Variants in HEATR4 observed in about 807,000 individuals in gnomAD.
The protein encoded by HEATR4 is HEAT repeat containing 4.
A neutral mutation model predicts 108.8 loss-of-function variants in HEATR4; 95 were observed. That is an observed-to-expected ratio of 0.87 (90% CI 0.74 to 1.04). The LOEUF is 1.04. Ranked by LOEUF, HEATR4 falls within the 50% of genes least tolerant of loss-of-function variation. The pLI is 0.00. For missense variants in HEATR4, 1,152 were observed against 1,253.8 expected, an observed-to-expected ratio of 0.92 and a Z score of 1.23; for synonymous variants, 443 against 459.4, an observed-to-expected ratio of 0.96 and a Z score of 0.46.
chr14:73,565,425 G>T, the HEATR4 span, among the ~76,000 whole-genome samples: 3 of 143,348 alleles, frequency 2.1e-5, no homozygotes, highest in South Asian at 6.5e-4. Flanking sequence ...TTGCTCAGTC[G>T]CCCAGGCTGG....
At chr14:73,569,672 G>C in the HEATR4 span, 2 of 1,608,528 alleles carry the variant, frequency 1.2e-6, no homozygotes, top group Admixed American at 3.3e-5. Flanking sequence ...GGCTGCTCTG[G>C]GCCTTGGAGC....
the HEATR4 span, among the ~76,000 whole-genome samples, chr14:73,584,293 C>T: frequency 2.0e-5 from 3 of 151,366 alleles, no homozygotes; most frequent in Non-Finnish European, 4.4e-5. Context: ...GTCCTAAAGA[C>T]TTTTTAAATA....
the HEATR4 span, among the ~76,000 whole-genome samples, chr14:73,601,927 C>CT: frequency 0.62 from 91,624 of 147,294 alleles, 28,910 homozygotes; most frequent in East Asian, 0.88. Context: ...CATAATTATG[C>CT]TTTTTTTTTT....
rs141407968 is a variant in HEATR4, at chr14:73,496,661, C to T, written c.2565G>A (p.Met855Ile). ...DAVLKEMYQT[M>I]KILNLGNEGN... is the part of the protein sequence containing the mutation. ...CTTCATTTCCTAAGTTGAGTATCTT[C>T]ATTGTCTGGTACATTTCTCTGAAAG... is the stretch of plus-strand genomic sequence containing the variant. Residue 855 changes from methionine (M) to isoleucine (I), a missense_variant, in exon 15 of 18, where the codon ATG (methionine) becomes ATA (isoleucine). Physicochemically the swap from Met to Ile is conservative, Grantham distance 10. Transcript: ENST00000553558. The T allele has an allele frequency of 2.5e-6, 4 of 1,585,528 alleles. No homozygotes were observed. The highest frequency in any genetic ancestry group is 3.5e-6 in the Non-Finnish European group (4 of 1,154,244).
chr14:73,486,011 G>A (rs1340396680), intron 17 of HEATR4, among the ~76,000 whole-genome samples: 2 of 152,094 alleles, frequency 1.3e-5, no homozygotes, highest in African/African-American at 2.4e-5. Context: ...ACTGCACCTG[G>A]CCAGTGAATA....
rs751642682 is a variant in HEATR4 at position 73,508,277 on chromosome 14, A to T, written c.1738T>A (p.Trp580Arg). The stretch of plus-strand genomic sequence containing the variant: ...AGAGCCAAGCACTGAGCTGCAGCCC[A>T]GCTATCCACACTGTTACCTGCCACA... ...ALLKGNSVDSWAAAQCLALEG... is the reference protein window; with the variant it reads ...ALLKGNSVDSRAAAQCLALEG... Residue 580 changes from tryptophan (W) to arginine (R), a missense_variant, in exon 9 of 18, where the codon TGG becomes AGG. Trp to Arg is a moderately radical substitution (Grantham distance 101, BLOSUM62 -3). Coordinates refer to ENST00000553558, the MANE Select transcript of HEATR4 (RefSeq NM_001220484.1). 1 of 1,613,992 alleles carries T rather than the reference A, an allele frequency of 6.2e-7. No individual in the cohort carries two copies. Among genetic ancestry groups the T allele is most frequent in the Non-Finnish European group, 8.5e-7 (1 of 1,180,022 alleles).
the HEATR4 span, among the ~76,000 whole-genome samples, chr14:73,630,940 C>G: frequency 3.9e-5 from 6 of 152,044 alleles, no homozygotes; most frequent in Non-Finnish European, 7.4e-5. Context: ...GCGAAAGGAC[C>G]AAAGACAGGA....
chr14:73,550,457 T>C (rs1224294616), intron 1 of HEATR4, among the ~76,000 whole-genome samples: 2 of 113,486 alleles, frequency 1.8e-5, no homozygotes, highest in African/African-American at 5.8e-5. Context: ...AGATGTAATA[T>C]GCTAATGAGA....
chr14:73,577,016 AAC>A, the HEATR4 span, among the ~76,000 whole-genome samples: 1 of 147,998 alleles, frequency 6.8e-6, no homozygotes, highest in Admixed American at 6.8e-5. Context: ...CTGCAGCCTC[AAC>A]CTCGTAGGTT....
chr14:73,626,659 C>A, the HEATR4 span, among the ~76,000 whole-genome samples: 11 of 145,246 alleles, frequency 7.6e-5, no homozygotes, highest in African/African-American at 2.7e-4. Context: ...GAGACCCTGT[C>A]TTAAAAAAAA....
rs745944722 is a variant in HEATR4, at chr14:73,508,215, G to GATC, written c.1797_1799dup (p.Arg599_Ile600insMet). 8.7e-6 allele frequency: 14 copies of GATC among 1,613,742 alleles called. No individual in the cohort carries two copies. The highest frequency in any genetic ancestry group is 1.0e-5 in the Non-Finnish European group (12 of 1,179,756). On this transcript the variant is annotated inframe_insertion, in exon 9 of 18. Coordinates refer to ENST00000553558, the MANE Select transcript of HEATR4 (RefSeq NM_001220484.1). ...TCTTCTTTGTAAACAGCTGGTGGAG[G>GATC]ATCCTCTTAATCACAGGGTAAGTAG...
At chr14:73,573,513 G>T in the HEATR4 span, 4 of 1,613,584 alleles carry the variant, frequency 2.5e-6, no homozygotes, top group South Asian at 4.4e-5. Context: ...TAACTATGAA[G>T]ACCTCCCCAA....
At chr14:73,498,448 G>A (rs963951509) in intron 13 of HEATR4, 104 bp from the exon 14 acceptor site, 1 of 992,874 alleles carries the variant, frequency 1.0e-6, no homozygotes, top group African/African-American at 1.6e-5. Context: ...CTTTTGGATG[G>A]TAATCACCAT....
In HEATR4 at chr14:73,522,961, C is replaced by G. The variant is rs1312707992; in HGVS notation, c.192G>C (p.Leu64Phe). The change falls in exon 3 of 18, where the codon TTG becomes TTC. Residue 64 changes from leucine (L) to phenylalanine (F), a missense_variant. Coordinates refer to ENST00000553558, the MANE Select transcript of HEATR4 (RefSeq NM_001220484.1). Reference protein sequence around the residue: ...QYRLHRKSQYLKMAAANLTFS... With the variant: ...QYRLHRKSQYFKMAAANLTFS... ...AGGTAAGGTTTGCAGCAGCCATTTTCAAATATTGGCTCTTGCGGTGTAGAC... is the reference window on the plus strand; with the variant it reads ...AGGTAAGGTTTGCAGCAGCCATTTTGAAATATTGGCTCTTGCGGTGTAGAC... 2.5e-6 allele frequency: 4 copies of G among 1,614,104 alleles called. No homozygotes were observed. The highest frequency in any genetic ancestry group is 3.4e-6 in the Non-Finnish European group (4 of 1,180,064).
the HEATR4 span, chr14:73,592,339 G>A: frequency 6.2e-7 from 1 of 1,602,296 alleles, no homozygotes; most frequent in South Asian, 1.1e-5. Context: ...CAGCACGAGC[G>A]CCACTTCCTC....
At chr14:73,609,313 G>A in the HEATR4 span, among the ~76,000 whole-genome samples, 1 of 152,130 alleles carries the variant, frequency 6.6e-6, no homozygotes, top group African/African-American at 2.4e-5. Flanking sequence ...ACATGGGATG[G>A]ACAATGTCAT....
chr14:73,538,607 G>C lies in HEATR4; in HGVS notation c.-151-8363C>G, dbSNP rs1194151231. Among the ~76,000 whole-genome samples, 3 of 63,188 alleles carry C rather than the reference G, an allele frequency of 4.7e-5. 1 individual carries two copies. Among genetic ancestry groups the C allele is most frequent in the Non-Finnish European group, 8.5e-5 (3 of 35,172 alleles). 41.5% of individuals were successfully genotyped at this position (63,188 alleles called of 152,430 possible). ...AGCCTGGGCAATAGAGTGAGACTCC[G>C]TCTCAAAAAAAAAAAAAAAAAAAGG... On this transcript the variant is annotated intron_variant, in intron 1 of 17. Coordinates refer to ENST00000553558, the MANE Select transcript of HEATR4 (RefSeq NM_001220484.1).
chr14:73,551,679 G>A lies in HEATR4; in HGVS notation c.-152+7072C>T, dbSNP rs574469075. On this transcript the variant is annotated intron_variant, in intron 1 of 17. Coordinates refer to ENST00000553558, the MANE Select transcript of HEATR4 (RefSeq NM_001220484.1). ...ACAAATTAGCCGGGTGTGGTGGTGCGCACCTGTAGTCCCAGCTACTCAGGA... is the reference window on the plus strand; with the variant it reads ...ACAAATTAGCCGGGTGTGGTGGTGCACACCTGTAGTCCCAGCTACTCAGGA... 5.0e-4 allele frequency among the ~76,000 whole-genome samples: 56 copies of A among 110,998 alleles called. 15 individuals are homozygous for A. The highest frequency in any genetic ancestry group is 9.1e-4 in the Non-Finnish European group (47 of 51,392). The allele number at this position is 110,998 out of a possible 152,430, so 72.8% of individuals were successfully genotyped here.
intron 5 of HEATR4, among the ~76,000 whole-genome samples, chr14:73,514,677 A>C (rs1039662184): frequency 1.3e-5 from 2 of 152,206 alleles, no homozygotes; most frequent in African/African-American, 4.8e-5. Flanking sequence ...TAGTGCTATA[A>C]GCTGTGAAAT....
Sources: allele counts gnomAD v4.1 joint callset (sites outside exome capture counted in the v4.1 genomes callset), GRCh38; gene constraint gnomAD v4.1.1; transcripts MANE v1.5; gene names NCBI Gene and HGNC (gene_info 2026-07-23, HGNC 2026-07-21).